The following COL4A6 variants were observed in gnomAD, a reference collection of about 807,000 sequenced individuals.
The protein encoded by COL4A6 is collagen type IV alpha 6 chain.
COL4A6 carries 59 observed loss-of-function variants against 126.7 expected under a neutral mutation model. The observed-to-expected ratio is 0.47, with a 90% CI of 0.38 to 0.58. COL4A6 has a LOEUF of 0.58. Ranked by LOEUF, COL4A6 falls within the 20% of genes least tolerant of loss-of-function variation. COL4A6 has a pLI of 0.00. For missense variants in COL4A6, 1,285 were observed against 1,337.3 expected (o/e 0.96, Z 0.61); for synonymous variants, 547 against 496.6 (o/e 1.10, Z -1.35).
rs1368402897 is a variant in COL4A6 at position 108,187,294 on chromosome X, A to T, written c.1768-15T>A. ...CCACCATCACCCTAGACAACATATA[A>T]AACAAAGAATGAAAATTCAACTCAG... On this transcript the variant is annotated splice_polypyrimidine_tract_variant and intron_variant, in intron 22 of 44. Coordinates refer to ENST00000334504, the MANE Select transcript of COL4A6 (RefSeq NM_033641.4). The T allele has an allele frequency of 9.2e-7, 1 of 1,092,677 alleles. No individual in the cohort carries two copies. Among genetic ancestry groups the T allele is most frequent in the African/African-American group, 1.9e-5 (1 of 53,698 alleles). 90.0% of individuals were successfully genotyped at this position (1,092,677 alleles called of 1,213,427 possible). A position where few individuals can be genotyped will look rare whatever the true frequency, so the allele number is the denominator to read the frequency against.
intron 11 of COL4A6, 90 bp downstream of exon 11, chrX:108,205,349 A>AT (rs915409475): frequency 1.7e-5 from 13 of 761,568 alleles, no homozygotes; most frequent in Non-Finnish European, 2.6e-5. Flanking sequence ...GAAAAAACAA[A>AT]TCCTCTTACA....
chrX:108,269,409 A>G (rs1280157023), intron 3 of COL4A6, among the ~76,000 whole-genome samples: 1 of 111,248 alleles, frequency 9.0e-6, no homozygotes, highest in African/African-American at 3.3e-5. Flanking sequence ...TGCCATGGAG[A>G]CTCACACCTG....
intron 3 of COL4A6, among the ~76,000 whole-genome samples, chrX:108,259,886 A>G (rs1328257550): frequency 9.1e-6 from 1 of 110,390 alleles, no homozygotes; most frequent in African/African-American, 3.3e-5. Flanking sequence ...AGAAATGACA[A>G]TTTTCGTGCG....
At chrX:108,296,451 C>A (rs932263952) in intron 3 of COL4A6, among the ~76,000 whole-genome samples, 5 of 111,807 alleles carry the variant, frequency 4.5e-5, no homozygotes, top group Admixed American at 2.8e-4. Flanking sequence ...CCTCTAGCCA[C>A]CCACCTCTAA....
intron 3 of COL4A6, among the ~76,000 whole-genome samples, chrX:108,255,662 C>T (rs966048660): frequency 9.1e-6 from 1 of 110,423 alleles, no homozygotes; most frequent in African/African-American, 3.3e-5. Flanking sequence ...TGTTAACAAA[C>T]TCTGACTCTT....
At chrX:108,299,534 T>C (rs941555376) in intron 3 of COL4A6, among the ~76,000 whole-genome samples, 109 of 111,242 alleles carry the variant, frequency 9.8e-4, no homozygotes, top group Non-Finnish European at 3.4e-4. Flanking sequence ...CCCAACAACT[T>C]GTGAAGGGGG....
chrX:108,399,708 T>C (rs1414804377), intron 2 of COL4A6, among the ~76,000 whole-genome samples: 1 of 111,737 alleles, frequency 8.9e-6, no homozygotes, highest in Non-Finnish European at 1.9e-5. Flanking sequence ...CATCCTAGTA[T>C]ATTTCATTAT....
chrX:108,192,350 C>T (rs2035070761), intron 18 of COL4A6, 123 bp downstream of exon 18: 2 of 463,954 alleles, frequency 4.3e-6, no homozygotes, highest in South Asian at 8.4e-5. Context: ...CTACTGACTA[C>T]AGTCTACCTC....
chrX:108,180,044 A>G (rs551613750), intron 25 of COL4A6, among the ~76,000 whole-genome samples: 2 of 110,873 alleles, frequency 1.8e-5, no homozygotes, highest in Middle Eastern at 9.2e-3. Flanking sequence ...CCACTAGTAC[A>G]GTGAAGAATC....
chrX:108,403,907 C>A lies in COL4A6; in HGVS notation c.63+34035G>T, dbSNP rs989992530. On this transcript the variant is annotated intron_variant, in intron 2 of 44. Transcript: ENST00000334504. ...GATTTTAAAATAATATTCTTGTCTG[C>A]TTGTACTGGAAGGGAAGAACACTAT... Among the ~76,000 whole-genome samples the A allele has an allele frequency of 2.7e-5, 3 of 111,347 alleles. No individual in the cohort carries two copies. In the South Asian group the frequency reaches 1.1e-3, roughly 42 times the overall value.
At chrX:108,239,169 A>T (rs2036513177) in intron 3 of COL4A6, among the ~76,000 whole-genome samples, 1 of 112,291 alleles carries the variant, frequency 8.9e-6, no homozygotes. Context: ...ACCTTTGTCT[A>T]TAGTGTCATT....
chrX:108,196,815 C>T (rs750211944), intron 13 of COL4A6, among the ~76,000 whole-genome samples: 98 of 112,229 alleles, frequency 8.7e-4, no homozygotes, highest in African/African-American at 3.0e-3. Context: ...CAACACTGTT[C>T]CATGTATTTA....
intron 3 of COL4A6, among the ~76,000 whole-genome samples, chrX:108,291,726 C>T (rs758329572): frequency 3.6e-5 from 4 of 111,662 alleles, no homozygotes; most frequent in Admixed American, 9.6e-5. Context: ...TTAGCTGAGA[C>T]GGGAAATTGC....
rs2035781489 is a variant in COL4A6 at position 108,213,882 on chromosome X, A to AT, written c.441+229dup. 8.6e-6 allele frequency: 3 copies of AT among 347,338 alleles called. No homozygotes were observed. The East Asian group carries it at 1.5e-4, about 18-fold the overall frequency. The allele number at this position is 347,338 out of a possible 1,213,427, so 28.6% of individuals were successfully genotyped here. On this transcript the variant is annotated intron_variant, in intron 6 of 44. Transcript: ENST00000334504. ...CAATCTTGCCAATTTCACAAGCTGC[A>AT]TTAAAAAAAAGGCAACCCTAAGCAG...
chrX:108,191,165 C>T (rs184254122), intron 19 of COL4A6, among the ~76,000 whole-genome samples: 25 of 112,037 alleles, frequency 2.2e-4, no homozygotes, highest in Admixed American at 1.2e-3. Context: ...AGGCATTAGG[C>T]CCTAGTTTGC....
chrX:108,349,063 T>G (rs148835070), intron 2 of COL4A6, among the ~76,000 whole-genome samples: 340 of 111,622 alleles, frequency 3.0e-3, no homozygotes, highest in African/African-American at 0.011. Context: ...ACCATGGAAA[T>G]TGGCAAAAGC....
chrX:108,200,694 AGTAGG>A (rs751274846), intron 13 of COL4A6, among the ~76,000 whole-genome samples: 22 of 111,524 alleles, frequency 2.0e-4, no homozygotes, highest in African/African-American at 6.2e-4. Context: ...TCGATAGTGG[AGTAGG>A]GTGACTACAG....
At chrX:108,308,998 G>A (rs1251370434) in intron 3 of COL4A6, among the ~76,000 whole-genome samples, 5 of 111,543 alleles carry the variant, frequency 4.5e-5, no homozygotes, top group African/African-American at 1.3e-4. Flanking sequence ...TTAAGGACAC[G>A]TTAAGTTTAC....
chrX:108,409,120 T>A (rs1322317628), intron 2 of COL4A6, among the ~76,000 whole-genome samples: 1 of 112,286 alleles, frequency 8.9e-6, no homozygotes, highest in African/African-American at 3.2e-5. Context: ...TGAAAAGAGA[T>A]GCAGCCTAAG....
Sources: gnomAD v4.1 joint callset for allele counts (sites outside exome capture counted in the v4.1 genomes callset) on GRCh38, gnomAD v4.1.1 for gene constraint, MANE v1.5 for transcripts, NCBI Gene and HGNC (gene_info 2026-07-23, HGNC 2026-07-21) for gene names.